The following CHRNA7 variants were observed in gnomAD, a reference collection of about 807,000 sequenced individuals.
CHRNA7 encodes cholinergic receptor nicotinic alpha 7 subunit.
A neutral mutation model predicts 48.0 loss-of-function variants in CHRNA7; 17 were observed. The observed-to-expected ratio is 0.35, with a 90% CI of 0.24 to 0.53. CHRNA7 has a LOEUF of 0.53. Among genes scored for constraint, CHRNA7 ranks in the 20% least tolerant of loss-of-function variants. The pLI, the probability that CHRNA7 is intolerant of heterozygous loss-of-function variation, is 0.92. For synonymous variants in CHRNA7, 75 were observed against 242.3 expected (o/e 0.31, Z 6.41); for missense variants, 155 against 577.7 (o/e 0.27, Z 7.50).
At chr15:32,104,668 C>T (rs1177064964) in intron 3 of CHRNA7, among the ~76,000 whole-genome samples, 6 of 152,078 alleles carry the variant, frequency 3.9e-5, no homozygotes, top group African/African-American at 7.2e-5. Flanking sequence ...GAACTTTTGC[C>T]GAATGAGAGA....
Position 32,041,929 on chromosome 15 carries a change from C to T in CHRNA7, c.195+10892C>T, listed in dbSNP as rs530205196. 2.0e-4 allele frequency among the ~76,000 whole-genome samples: 30 copies of T among 152,258 alleles called. No homozygotes were observed. In the East Asian group the frequency reaches 3.3e-3, roughly 17 times the overall value. Reference sequence around the variant, plus strand: ...ATGATGTCTGCTTTTTCCATTAGAGCCTTTAGCTTATTAATCATAGTTGTT... The same window carrying T: ...ATGATGTCTGCTTTTTCCATTAGAGTCTTTAGCTTATTAATCATAGTTGTT... On this transcript the variant is annotated intron_variant, in intron 2 of 9. Coordinates refer to ENST00000306901, the MANE Select transcript of CHRNA7 (RefSeq NM_000746.6).
chr15:32,099,057 G>A (rs2050525070), intron 2 of CHRNA7: 1 of 152,278 alleles, frequency 6.6e-6, no homozygotes, highest in Admixed American at 6.5e-5. Context: ...AATGGCTTGT[G>A]CACTTCACTC....
intron 2 of CHRNA7, among the ~76,000 whole-genome samples, chr15:32,088,697 A>G (rs1316683671): frequency 1.3e-5 from 2 of 152,154 alleles, no homozygotes; most frequent in Admixed American, 1.3e-4. Context: ...GCATCTTTTA[A>G]TATGTTTATT....
chr15:32,098,583 G>C (rs975246278), intron 2 of CHRNA7: 5 of 152,468 alleles, frequency 3.3e-5, no homozygotes, highest in Non-Finnish European at 7.3e-5. Flanking sequence ...GCCTTGGAAA[G>C]CAGAGCTGGT....
intron 4 of CHRNA7, among the ~76,000 whole-genome samples, chr15:32,124,177 G>T (rs1425145725): frequency 6.6e-6 from 1 of 151,982 alleles, no homozygotes; most frequent in East Asian, 1.9e-4. Context: ...AATCCAAAAG[G>T]TTGAAATGAA....
intron 2 of CHRNA7, among the ~76,000 whole-genome samples, chr15:32,082,211 G>A (rs867375652): frequency 1.3e-5 from 2 of 151,868 alleles, no homozygotes; most frequent in Non-Finnish European, 2.9e-5. Context: ...CTTGTTTGGG[G>A]TTTGTTCATT....
intron 2 of CHRNA7, among the ~76,000 whole-genome samples, chr15:32,079,475 T>C (rs2050183581): frequency 6.6e-6 from 1 of 152,110 alleles, no homozygotes. Flanking sequence ...GAAATCAATA[T>C]GCAAGAGTCA....
At chr15:32,134,009 T>C (rs2051201256) in intron 4 of CHRNA7, among the ~76,000 whole-genome samples, 1 of 152,186 alleles carries the variant, frequency 6.6e-6, no homozygotes, top group African/African-American at 2.4e-5. Flanking sequence ...TGACAAATAT[T>C]CCATGCTCTG....
Position 32,030,763 on chromosome 15 carries a change from G to C in CHRNA7, c.55+114G>C, listed in dbSNP as rs757997853. 4.0e-6 allele frequency: 6 copies of C among 1,505,826 alleles called. No homozygotes were observed. In the Admixed American group the frequency reaches 1.1e-4, roughly 28 times the overall value. The allele number at this position is 1,505,826 out of a possible 1,614,324, so 93.3% of individuals were successfully genotyped here. A position where few individuals can be genotyped will look rare whatever the true frequency, so the allele number is the denominator to read the frequency against. ...TTTGGGATCTCCCCGCCGCCGGGGA[G>C]GGGCAGCGGGGGCGCTGCGGGGGCT... On this transcript the variant is annotated intron_variant, in intron 1 of 9. Transcript: ENST00000306901.
At chr15:32,119,236 G>A (rs1451363901) in intron 4 of CHRNA7, among the ~76,000 whole-genome samples, 1 of 152,200 alleles carries the variant, frequency 6.6e-6, no homozygotes, top group African/African-American at 2.4e-5. Flanking sequence ...ATTCAGATCA[G>A]TGTGCCTGGT....
intron 2 of CHRNA7, among the ~76,000 whole-genome samples, chr15:32,084,271 A>T (rs2050260651): frequency 6.6e-6 from 1 of 152,130 alleles, no homozygotes. Flanking sequence ...AATTGGTAGG[A>T]GGGGTTATAG....
At chr15:32,073,670 A>G (rs1417442764) in intron 2 of CHRNA7, among the ~76,000 whole-genome samples, 5 of 152,100 alleles carry the variant, frequency 3.3e-5, no homozygotes, top group Admixed American at 3.3e-4. Flanking sequence ...TCCCTCATGA[A>G]TGGCTTGCTG....
chr15:32,078,099 C>T lies in CHRNA7; in HGVS notation c.196-23204C>T, dbSNP rs114157268. Among the ~76,000 whole-genome samples, 283 of 152,268 alleles carry T rather than the reference C, an allele frequency of 1.9e-3. 1 individual carries two copies. The highest frequency in any genetic ancestry group is 6.3e-3 in the African/African-American group (262 of 41,566). The stretch of plus-strand genomic sequence containing the variant: ...TTTTCTTTTTGTTGAATTTTAAGCA[C>T]TGTTTGATGTTTTTGTATAACAGTC... On this transcript the variant is annotated intron_variant, in intron 2 of 9. Coordinates refer to ENST00000306901, the MANE Select transcript of CHRNA7 (RefSeq NM_000746.6).
intron 4 of CHRNA7, among the ~76,000 whole-genome samples, chr15:32,119,266 T>G (rs1166779920): frequency 1.3e-5 from 2 of 152,246 alleles, no homozygotes; most frequent in Admixed American, 1.3e-4. Flanking sequence ...ATGTGTCTGC[T>G]TTTAGGATGC....
At chr15:32,054,255 C>T (rs1250904235) in intron 2 of CHRNA7, among the ~76,000 whole-genome samples, 1 of 152,102 alleles carries the variant, frequency 6.6e-6, no homozygotes, top group Non-Finnish European at 1.5e-5. Flanking sequence ...TAAGGCTGCT[C>T]ACTGATTGCC....
chr15:32,042,439 C>G (rs1247464948), intron 2 of CHRNA7, among the ~76,000 whole-genome samples: 1 of 152,166 alleles, frequency 6.6e-6, no homozygotes, highest in Non-Finnish European at 1.5e-5. Context: ...TTTCACTTCC[C>G]TCTGGTGGAA....
At chr15:32,034,724 A>G (rs192155934) in intron 2 of CHRNA7, among the ~76,000 whole-genome samples, 28 of 152,344 alleles carry the variant, frequency 1.8e-4, no homozygotes, top group Middle Eastern at 6.8e-3. Context: ...TCAAGTATAA[A>G]TTATAGATTG....
At chr15:32,070,667 T>C (rs957220403) in intron 2 of CHRNA7, among the ~76,000 whole-genome samples, 8 of 135,498 alleles carry the variant, frequency 5.9e-5, no homozygotes, top group Non-Finnish European at 1.1e-4. Context: ...GAGGTTTAGT[T>C]CCTTTTTTTT....
chr15:32,141,954 T>C (rs903451065), intron 4 of CHRNA7, among the ~76,000 whole-genome samples: 11 of 151,292 alleles, frequency 7.3e-5, no homozygotes, highest in African/African-American at 2.2e-4. Flanking sequence ...CTTCCAACAC[T>C]ATGTTGAATA....
Sources: allele counts gnomAD v4.1 joint callset (sites outside exome capture counted in the v4.1 genomes callset), GRCh38; gene constraint gnomAD v4.1.1; transcripts MANE v1.5; gene names NCBI Gene and HGNC (gene_info 2026-07-23, HGNC 2026-07-21).